IRAG1: variants seen among roughly 807,000 people sequenced by gnomAD.
IRAG1 encodes IP3R-associated cGMP kinase substrate.
In IRAG1, 62 loss-of-function variants were observed where a neutral mutation model predicts 106.2. The ratio of observed to expected loss-of-function variants is 0.58; its 90% CI spans 0.48 to 0.72. The LOEUF (loss-of-function observed/expected upper bound fraction) is 0.72. IRAG1 is among the 30% of genes least tolerant of loss of function. The probability of loss-of-function intolerance (pLI) is 0.00; values close to 1 mark genes in which losing one functional copy is unlikely to be tolerated. For missense variants in IRAG1, 1,064 were observed against 1,140.7 expected (o/e 0.93, Z 0.97); for synonymous variants, 462 against 443.9 (o/e 1.04, Z -0.51).
intron 20 of IRAG1, among the ~76,000 whole-genome samples, chr11:10,578,685 A>G (rs1244519513): frequency 6.6e-6 from 1 of 152,202 alleles, no homozygotes; most frequent in African/African-American, 2.4e-5. Flanking sequence ...ATTGCCACTC[A>G]CTGATGACCA....
At chr11:10,586,686 G>A (rs1473751305) in intron 18 of IRAG1, among the ~76,000 whole-genome samples, 4 of 152,120 alleles carry the variant, frequency 2.6e-5, no homozygotes, top group South Asian at 2.1e-4. Flanking sequence ...CCAAAGTGCT[G>A]GGGTTACAGG....
In IRAG1 at chr11:10,594,744, A is replaced by G. The variant is rs182755894; in HGVS notation, c.2018-549T>C. 4.1e-4 allele frequency among the ~76,000 whole-genome samples: 62 copies of G among 152,336 alleles called. No individual in the cohort carries two copies. In the Middle Eastern group the frequency reaches 0.01, roughly 25 times the overall value. ...TAACTCACGTAATATGTTTAGCTTC[A>G]TACCTGGATAATCCTACCACCAGGA... is the stretch of plus-strand genomic sequence containing the variant. On this transcript the variant is annotated intron_variant, in intron 15 of 20. Transcript: ENST00000423302.
chr11:10,672,775 G>T (rs1205425968), intron 1 of IRAG1, among the ~76,000 whole-genome samples: 1 of 152,216 alleles, frequency 6.6e-6, no homozygotes, highest in African/African-American at 2.4e-5. Flanking sequence ...TTCCTCAAAA[G>T]GTTGAACATA....
chr11:10,677,942 T>C (rs948052779), intron 1 of IRAG1, among the ~76,000 whole-genome samples: 1 of 152,272 alleles, frequency 6.6e-6, no homozygotes, highest in Non-Finnish European at 1.5e-5. Context: ...ATCCACATGG[T>C]AGCATGTATC....
At chr11:10,666,517 G>C (rs968296260) in intron 1 of IRAG1, among the ~76,000 whole-genome samples, 1 of 152,182 alleles carries the variant, frequency 6.6e-6, no homozygotes, top group Non-Finnish European at 1.5e-5. Flanking sequence ...GACCAGAAGA[G>C]GTTTTTCTGG....
At chr11:10,614,918 A>G (rs1855273035) in intron 10 of IRAG1, among the ~76,000 whole-genome samples, 1 of 152,262 alleles carries the variant, frequency 6.6e-6, no homozygotes, top group Admixed American at 6.5e-5. Flanking sequence ...AGCAATGGCA[A>G]CAAAAGCCAA....
Position 10,652,120 on chromosome 11 carries a change from G to A in IRAG1, c.130C>T (p.Arg44Cys), listed in dbSNP as rs538930976. 4.3e-6 allele frequency: 7 copies of A among 1,611,730 alleles called. No homozygotes were observed. The highest frequency in any genetic ancestry group is 3.3e-4 in the Middle Eastern group (2 of 6,060). Residue 44 changes from arginine to cysteine, a missense_variant, in exon 2 of 21, where the codon CGT becomes TGT. By Grantham distance (180) the Arg-to-Cys change is radical (BLOSUM62 -3). Transcript: ENST00000423302. Reference protein sequence around the residue: ...GADAAEVPGTRGHSQQEAAMP... With the variant: ...GADAAEVPGTCGHSQQEAAMP... ...GCAGCCTCCTGCTGGGAGTGGCCAC[G>A]TGTGCCCGGAACCTCCGCTGCGTCA...
At chr11:10,671,050 C>A (rs1860179012) in intron 1 of IRAG1, among the ~76,000 whole-genome samples, 1 of 152,216 alleles carries the variant, frequency 6.6e-6, no homozygotes, top group Non-Finnish European at 1.5e-5. Context: ...AACATTTAAT[C>A]TTTGAAATAG....
Position 10,600,898 on chromosome 11 carries a change from G to A in IRAG1, c.2017+20C>T. ...GTCCACCTTGTAGGGCCAAGATGGG[G>A]CAGGAGCCTAGGTCCTTACCAGAGG... is the stretch of plus-strand genomic sequence containing the variant. On this transcript the variant is annotated intron_variant, in intron 15 of 20. Coordinates refer to ENST00000423302, the MANE Select transcript of IRAG1 (RefSeq NM_130385.4). 6.2e-7 allele frequency: 1 copy of A among 1,613,746 alleles called. No homozygotes were observed. The highest frequency in any genetic ancestry group is 8.5e-7 in the Non-Finnish European group (1 of 1,179,744).
At chr11:10,634,517 T>G (rs1230807096) in intron 2 of IRAG1, among the ~76,000 whole-genome samples, 1 of 152,206 alleles carries the variant, frequency 6.6e-6, no homozygotes. Context: ...ACCAAAATAG[T>G]AAGTTGAATT....
At position 10,626,146 on chromosome 11, in the gene IRAG1, G is replaced by A. The variant is rs1856228429; in HGVS notation, c.1188C>T (p.Asp396=). 2 of 1,540,806 alleles carry A rather than the reference G, an allele frequency of 1.3e-6. No homozygotes were observed. Among genetic ancestry groups the A allele is most frequent in the African/African-American group, 2.8e-5 (2 of 72,446 alleles). The change falls in exon 9 of 21, where the codon GAC becomes GAT. Residue 396 remains aspartate (D), a synonymous_variant. Transcript: ENST00000423302. ...GGGGGCCAGGTTCTTCAGGGCCACTGTCCCAGGAGAGCCCTCGCAGCAGCG... is the reference window on the plus strand; with the variant it reads ...GGGGGCCAGGTTCTTCAGGGCCACTATCCCAGGAGAGCCCTCGCAGCAGCG... ...RPPLLRGLSW[D]SGPEEPGPRL... is the part of the protein sequence containing the mutation.
At chr11:10,677,384 T>C (rs1860769606) in intron 1 of IRAG1, among the ~76,000 whole-genome samples, 2 of 150,200 alleles carry the variant, frequency 1.3e-5, no homozygotes, top group Admixed American at 6.6e-5. Context: ...ATTTATACAT[T>C]TTTTTTGAGA....
chr11:10,620,449 A>C (rs1855750024), intron 10 of IRAG1, among the ~76,000 whole-genome samples: 1 of 152,186 alleles, frequency 6.6e-6, no homozygotes, highest in South Asian at 2.1e-4. Context: ...AACAAAAACC[A>C]AACAAATCAA....
chr11:10,687,419 T>G (rs1861740747), intron 1 of IRAG1: 4 of 180,212 alleles, frequency 2.2e-5, no homozygotes, highest in Non-Finnish European at 3.5e-5. Flanking sequence ...CTCCAAGCTT[T>G]AATATTTAAA....
chr11:10,693,315 A>G (rs746330149), intron 1 of IRAG1: 1 of 884,000 alleles, frequency 1.1e-6, no homozygotes, highest in Non-Finnish European at 1.6e-6. Context: ...AAAGGAGCAC[A>G]ATCTAGTTAA....
At chr11:10,687,584 C>G (rs1861755364) in intron 1 of IRAG1, 6 of 1,018,960 alleles carry the variant, frequency 5.9e-6, no homozygotes, top group Non-Finnish European at 7.6e-6. Context: ...TCCCAACAAG[C>G]CTTAAAGCTT....
At chr11:10,633,404 T>G (rs775703907) in intron 3 of IRAG1, among the ~76,000 whole-genome samples, 17 of 152,126 alleles carry the variant, frequency 1.1e-4, no homozygotes, top group Non-Finnish European at 2.4e-4. Context: ...TTTTGAAAAT[T>G]AGACAGTCTC....
chr11:10,612,188 G>A (rs1438777669), intron 10 of IRAG1, among the ~76,000 whole-genome samples: 1 of 152,160 alleles, frequency 6.6e-6, no homozygotes, highest in Non-Finnish European at 1.5e-5. Flanking sequence ...TCTTAGCAGA[G>A]GAGTAGCCGT....
chr11:10,673,599 T>C (rs1388673741), intron 1 of IRAG1, among the ~76,000 whole-genome samples: 1 of 152,122 alleles, frequency 6.6e-6, no homozygotes, highest in Non-Finnish European at 1.5e-5. Context: ...ACTCTCTGAA[T>C]ATACTAAAAT....
Sources: allele counts gnomAD v4.1 joint callset (sites outside exome capture counted in the v4.1 genomes callset), GRCh38; gene constraint gnomAD v4.1.1; transcripts MANE v1.5; gene names NCBI Gene and HGNC (gene_info 2026-07-23, HGNC 2026-07-21).